ASMT: variants seen among roughly 807,000 people sequenced by gnomAD.
ASMT encodes acetylserotonin O-methyltransferase, also known as acetylserotonin N-methyltransferase.
ASMT carries 53 observed loss-of-function variants against 41.3 expected under a neutral mutation model. That is an observed-to-expected ratio of 1.28 (90% CI 1.03 to 1.61). ASMT has a LOEUF of 1.61. Among genes scored for constraint, ASMT ranks in the 40% most tolerant of loss-of-function variants. The pLI is 0.00. For missense variants in ASMT, 531 were observed against 441.3 expected, an observed-to-expected ratio of 1.20 and a Z score of -1.82; for synonymous variants, 231 against 184.8, an observed-to-expected ratio of 1.25 and a Z score of -2.03.
At chrX:1,632,539 C>T (rs770103324) in intron 5 of ASMT, among the ~76,000 whole-genome samples, 165 bp from the exon 6 acceptor site, 85 of 152,114 alleles carry the variant, frequency 5.6e-4, no homozygotes, top group African/African-American at 2.0e-3. Context: ...CCTGTAGTCC[C>T]AGCTACTGGG....
intron 3 of ASMT, among the ~76,000 whole-genome samples, chrX:1,626,675 A>C (rs1419969605): frequency 6.6e-6 from 1 of 152,154 alleles, no homozygotes; most frequent in Non-Finnish European, 1.5e-5. Context: ...CTTAGATAAG[A>C]ATTTGGGCAA....
Position 1,624,251 on chromosome X carries a change from T to C in ASMT, c.245-18T>C. 3 of 1,613,856 alleles carry C rather than the reference T, an allele frequency of 1.9e-6. No individual in the cohort carries two copies. The East Asian group carries it at 6.7e-5, about 36-fold the overall frequency. On this transcript the variant is annotated intron_variant, in intron 2 of 8. Coordinates refer to ENST00000381241, the MANE Select transcript of ASMT (RefSeq NM_001171038.2). ...GGAATCTCACTGCTTTTTCCCTGTT[T>C]TTTTGTGTGTGTTTCAGCTTTCTAT...
chrX:1,619,606 GAA>G (rs777099089), intron 1 of ASMT, among the ~76,000 whole-genome samples: 1 of 135,624 alleles, frequency 7.4e-6, no homozygotes, highest in Non-Finnish European at 1.6e-5. Flanking sequence ...TTTGGGAGCA[GAA>G]AAAAAAAAAG....
chrX:1,630,445 A>G (rs1319727999), intron 5 of ASMT, among the ~76,000 whole-genome samples: 1 of 151,582 alleles, frequency 6.6e-6, no homozygotes, highest in African/African-American at 2.4e-5. Context: ...AGGTGGGATT[A>G]TGGGTGCGCA....
chrX:1,622,229 T>G (rs1463583467), intron 1 of ASMT, among the ~76,000 whole-genome samples: 1 of 151,456 alleles, frequency 6.6e-6, no homozygotes, highest in Non-Finnish European at 1.5e-5. Flanking sequence ...TGACCTCAAG[T>G]GATCTACCCT....
chrX:1,616,075 C>T (rs182231660), intron 1 of ASMT, among the ~76,000 whole-genome samples: 5 of 151,862 alleles, frequency 3.3e-5, no homozygotes, highest in Admixed American at 3.3e-4. Flanking sequence ...GTAACCCAGG[C>T]TGGAGTGCAG....
intron 8 of ASMT, among the ~76,000 whole-genome samples, chrX:1,640,517 G>A (rs749856732): frequency 1.2e-4 from 7 of 59,058 alleles, no homozygotes; most frequent in East Asian, 1.3e-3. Context: ...TCATGAGGAC[G>A]TGGGCACAGC....
rs1158172020 is a variant in ASMT, at chrX:1,628,892, C to G, written c.444-929C>G. Among the ~76,000 whole-genome samples, 5 of 151,118 alleles carry G rather than the reference C, an allele frequency of 3.3e-5. No homozygotes were observed. In the Admixed American group the frequency reaches 3.3e-4, roughly 10 times the overall value. ...TCACCTCCTTTTCTCCTCCTCTCTT[C>G]TCCTCGGTCTGCTTTCCTTTCCCCC... On this transcript the variant is annotated intron_variant, in intron 4 of 8. Transcript: ENST00000381241.
intron 1 of ASMT, among the ~76,000 whole-genome samples, chrX:1,622,668 C>T (rs753084970): frequency 5.6e-4 from 85 of 151,842 alleles, no homozygotes; most frequent in African/African-American, 2.0e-3. Context: ...CATCCCAGCA[C>T]TTTGGGAGGC....
At chrX:1,625,510 G>A (rs1934499204) in intron 3 of ASMT, among the ~76,000 whole-genome samples, 1 of 122,938 alleles carries the variant, frequency 8.1e-6, no homozygotes, top group Non-Finnish European at 1.6e-5. Context: ...GAAGGAAACA[G>A]AAAGAGAGAG....
In ASMT at chrX:1,629,825, GAGGGCGAGCGGCTAC is replaced by G. The variant is rs1934702031; in HGVS notation, c.451_465del (p.Gly151_Gln155del). On this transcript the variant is annotated inframe_deletion, in exon 5 of 9. Transcript: ENST00000381241. ...AAGCGTGGTTTTGCATGCCAGGTCCGAGGGCGAGCGGCTACAGTTCATGCAAGCTCTGCAGGAGGT... is the reference window on the plus strand; with the variant it reads ...AAGCGTGGTTTTGCATGCCAGGTCCGAGTTCATGCAAGCTCTGCAGGAGGT... The G allele has an allele frequency of 6.2e-7, 1 of 1,613,770 alleles. No homozygotes were observed. The highest frequency in any genetic ancestry group is 1.3e-5 in the African/African-American group (1 of 74,904).
intron 1 of ASMT, among the ~76,000 whole-genome samples, chrX:1,619,965 C>T (rs1353244655): frequency 4.6e-5 from 7 of 150,816 alleles, no homozygotes; most frequent in African/African-American, 1.2e-4. Flanking sequence ...TGGTGGTGGG[C>T]GCCTGTAGTT....
rs1468978115 is a variant in ASMT, at chrX:1,642,966, G to A, written c.1074G>A (p.Gln358=). 1 of 1,613,976 alleles carries A rather than the reference G, an allele frequency of 6.2e-7. No individual in the cohort carries two copies. Among genetic ancestry groups the A allele is most frequent in the Non-Finnish European group, 8.5e-7 (1 of 1,179,876 alleles). The change falls in exon 9 of 9, where the codon CAG becomes CAA. Residue 358 remains glutamine, a synonymous_variant. Coordinates refer to ENST00000381241, the MANE Select transcript of ASMT (RefSeq NM_001171038.2). ...LLSSAGFRDF[Q]FKKTGAIYDA... is the part of the protein sequence containing the mutation. ...CTTCTGCTGGCTTCAGAGACTTCCAGTTTAAGAAAACAGGAGCCATTTATG... is the reference window on the plus strand; with the variant it reads ...CTTCTGCTGGCTTCAGAGACTTCCAATTTAAGAAAACAGGAGCCATTTATG...
chrX:1,634,217 A>AT (rs1934878267), intron 7 of ASMT, among the ~76,000 whole-genome samples: 1 of 152,244 alleles, frequency 6.6e-6, no homozygotes, highest in Admixed American at 6.6e-5. Flanking sequence ...ATACAGATGC[A>AT]TATCAGCGAA....
At chrX:1,616,731 C>T (rs1934130282) in intron 1 of ASMT, among the ~76,000 whole-genome samples, 3 of 150,762 alleles carry the variant, frequency 2.0e-5, no homozygotes, top group Non-Finnish European at 3.0e-5. Flanking sequence ...CTTTTTGAGA[C>T]AGAGTCTCGC....
At chrX:1,620,923 A>T (rs1354514091) in intron 1 of ASMT, among the ~76,000 whole-genome samples, 1 of 131,498 alleles carries the variant, frequency 7.6e-6, no homozygotes, top group African/African-American at 3.6e-5. Context: ...ACAAATAAAG[A>T]TACCAAAAAA....
At chrX:1,625,937 A>G (rs1439158416) in intron 3 of ASMT, among the ~76,000 whole-genome samples, 4 of 139,420 alleles carry the variant, frequency 2.9e-5, no homozygotes, top group African/African-American at 8.3e-5. Context: ...CCTGGGCGAC[A>G]GAGCGAGACT....
At chrX:1,633,928 A>G (rs1413514061) in intron 7 of ASMT, among the ~76,000 whole-genome samples, 2 of 149,460 alleles carry the variant, frequency 1.3e-5, no homozygotes, top group East Asian at 1.9e-4. Context: ...GTGAACCATC[A>G]CACCCGGCCT....
chrX:1,634,963 G>T (rs1283524787), intron 7 of ASMT, among the ~76,000 whole-genome samples: 53 of 147,226 alleles, frequency 3.6e-4, no homozygotes, highest in African/African-American at 1.3e-3. Context: ...ACCGCGCCTG[G>T]CCTGAGTTAA....
Sources: gnomAD v4.1 joint callset for allele counts (sites outside exome capture counted in the v4.1 genomes callset) on GRCh38, gnomAD v4.1.1 for gene constraint, MANE v1.5 for transcripts, NCBI Gene and HGNC (gene_info 2026-07-23, HGNC 2026-07-21) for gene names.